NTSR1: variants seen among roughly 807,000 people sequenced by gnomAD.
NTSR1 encodes the protein neurotensin receptor 1.
Under a neutral mutation model 31.2 loss-of-function variants are expected in NTSR1, and 29 were observed. The observed-to-expected ratio is 0.93, with a 90% CI of 0.69 to 1.27. The LOEUF is 1.27. Among genes scored for constraint, NTSR1 ranks in the 50% most tolerant of loss-of-function variants. NTSR1 has a pLI of 0.00. For synonymous variants in NTSR1, 282 were observed against 269.9 expected (o/e 1.04, Z -0.44); for missense variants, 697 against 595.4 (o/e 1.17, Z -1.78).
At chr20:62,747,633 G>A (rs1989323851) in intron 1 of NTSR1, among the ~76,000 whole-genome samples, 1 of 152,242 alleles carries the variant, frequency 6.6e-6, no homozygotes, top group Non-Finnish European at 1.5e-5. Context: ...GGTCCTGGAA[G>A]GCCTAGCCAG....
intron 1 of NTSR1, among the ~76,000 whole-genome samples, chr20:62,719,106 T>A (rs1988785996): frequency 7.0e-6 from 1 of 142,236 alleles, no homozygotes; most frequent in Non-Finnish European, 1.5e-5. Context: ...TTGCTTCCAG[T>A]CCCTTTTTTT....
chr20:62,718,243 G>A (rs879415141), intron 1 of NTSR1, among the ~76,000 whole-genome samples: 1 of 152,184 alleles, frequency 6.6e-6, no homozygotes, highest in Non-Finnish European at 1.5e-5. Context: ...ACACGTTAAA[G>A]GGACAGTTCT....
At chr20:62,718,633 C>A (rs1988777993) in intron 1 of NTSR1, among the ~76,000 whole-genome samples, 2 of 142,894 alleles carry the variant, frequency 1.4e-5, no homozygotes, top group African/African-American at 5.1e-5. Context: ...GCCAGCTGGG[C>A]TGTGGCCTCT....
In NTSR1 at chr20:62,714,839, A is replaced by G. The variant is rs1568695621; in HGVS notation, c.714+4918A>G. Among the ~76,000 whole-genome samples the G allele has an allele frequency of 6.6e-6, 1 of 152,238 alleles. No homozygotes were observed. Among genetic ancestry groups the G allele is most frequent in the South Asian group, 2.1e-4 (1 of 4,830 alleles). On this transcript the variant is annotated intron_variant, in intron 1 of 3. Transcript: ENST00000370501. The surrounding 1 kb of genome is among the most constrained non-coding windows in gnomAD (Gnocchi z 4.1). ...CAGAAAGCCGGCACCAAAGCTGATC[A>G]TTCTTCCTGCCAAGAAACAGCAAAA...
intron 1 of NTSR1, among the ~76,000 whole-genome samples, chr20:62,710,208 G>C (rs1243801742): frequency 6.6e-6 from 1 of 152,222 alleles, no homozygotes; most frequent in African/African-American, 2.4e-5. Context: ...GGAAACATGT[G>C]CGCTGGCACC....
At chr20:62,755,086 TTCCCTCCCTCCATCCATCCATCCTTCCC>T (rs1989462184) in intron 2 of NTSR1, among the ~76,000 whole-genome samples, 200 bp downstream of exon 2, 1 of 144,250 alleles carries the variant, frequency 6.9e-6, no homozygotes, top group African/African-American at 2.6e-5. Flanking sequence ...CCATCTATCC[TTCCCTCCCTCCATCCATCCATCCTTCCC>T]TCCCTCCCTC....
chr20:62,725,218 A>T (rs990317244), intron 1 of NTSR1, among the ~76,000 whole-genome samples: 1 of 152,062 alleles, frequency 6.6e-6, no homozygotes, highest in Non-Finnish European at 1.5e-5. Context: ...TGGAAGGGCT[A>T]CCCCAGCCCC....
In NTSR1 at chr20:62,760,159, C is replaced by T. The variant is rs535027791; in HGVS notation, c.1149C>T (p.Cys383=). 3 of 1,614,144 alleles carry T rather than the reference C, an allele frequency of 1.9e-6. No individual in the cohort carries two copies. Among genetic ancestry groups the T allele is most frequent in the Admixed American group, 1.7e-5 (1 of 60,038 alleles). ...HIFLATLACL[C]PVWRRRRKRP... The stretch of plus-strand genomic sequence containing the variant: ...TCCTGGCCACACTGGCCTGCCTCTG[C>T]CCGGTGTGGCGGCGCAGGAGGAAGA... The change falls in exon 4 of 4, where the codon TGC becomes TGT. Residue 383 remains cysteine, a synonymous_variant. Coordinates refer to ENST00000370501, the MANE Select transcript of NTSR1 (RefSeq NM_002531.3).
At chr20:62,750,674 G>A (rs1405010662) in intron 1 of NTSR1, among the ~76,000 whole-genome samples, 3 of 133,924 alleles carry the variant, frequency 2.2e-5, no homozygotes, top group Admixed American at 8.1e-5. Flanking sequence ...CTGGGCGACA[G>A]AGCGAGACTC....
rs1319736008 is a variant in NTSR1 at position 62,745,419 on chromosome 20, A to G, written c.715-9266A>G. Among the ~76,000 whole-genome samples, 1 of 151,810 alleles carries G rather than the reference A, an allele frequency of 6.6e-6. No homozygotes were observed. The highest frequency in any genetic ancestry group is 1.5e-5 in the Non-Finnish European group (1 of 67,886). On this transcript the variant is annotated intron_variant, in intron 1 of 3. Coordinates refer to ENST00000370501, the MANE Select transcript of NTSR1 (RefSeq NM_002531.3). This position sits in a 1 kb window ranked among gnomAD's most constrained non-coding sequence, Gnocchi z 4.1. ...TAGAGACACAGACTCAGGAAAACAG[A>G]CAGAGAGAGACACAGGAGAACAGAG...
intron 2 of NTSR1, among the ~76,000 whole-genome samples, chr20:62,756,387 G>C (rs1164143755): frequency 6.6e-6 from 1 of 152,256 alleles, no homozygotes; most frequent in African/African-American, 2.4e-5. Context: ...CAACAACACA[G>C]GGCTTGGAGA....
At chr20:62,756,358 G>A (rs1989513166) in intron 2 of NTSR1, among the ~76,000 whole-genome samples, 1 of 152,256 alleles carries the variant, frequency 6.6e-6, no homozygotes, top group Non-Finnish European at 1.5e-5. Flanking sequence ...AGGCGGGGCA[G>A]GGGCAGGGCA....
chr20:62,759,671 A>C (rs1043877984), intron 3 of NTSR1, among the ~76,000 whole-genome samples: 6 of 150,598 alleles, frequency 4.0e-5, no homozygotes, highest in Non-Finnish European at 5.9e-5. Flanking sequence ...GCTACTCGGG[A>C]GGCTGAGGCA....
At chr20:62,712,408 C>T (rs1005561314) in intron 1 of NTSR1, among the ~76,000 whole-genome samples, 1 of 152,226 alleles carries the variant, frequency 6.6e-6, no homozygotes, top group Non-Finnish European at 1.5e-5. Context: ...TTTCCTGCCC[C>T]AGCGTCTCCT....
rs1989228699 is a variant in NTSR1 at position 62,742,860 on chromosome 20, C to A, written c.715-11825C>A. Among the ~76,000 whole-genome samples the A allele has an allele frequency of 2.0e-5, 3 of 149,568 alleles. 1 individual carries two copies. The highest frequency in any genetic ancestry group is 7.5e-5 in the African/African-American group (3 of 40,054). On this transcript the variant is annotated intron_variant, in intron 1 of 3. Coordinates refer to ENST00000370501, the MANE Select transcript of NTSR1 (RefSeq NM_002531.3). The surrounding 1 kb of genome is among the most constrained non-coding windows in gnomAD (Gnocchi z 7.1). The stretch of plus-strand genomic sequence containing the variant: ...CTCTCCCCGCAGTGTTTCCCCAGTT[C>A]CAGGGCTGTGAGGTGGTCACAGTGG...
Position 62,742,066 on chromosome 20 carries a change from G to A in NTSR1, c.715-12619G>A, listed in dbSNP as rs1239414722. On this transcript the variant is annotated intron_variant, in intron 1 of 3. Coordinates refer to ENST00000370501, the MANE Select transcript of NTSR1 (RefSeq NM_002531.3). This position sits in a 1 kb window ranked among gnomAD's most constrained non-coding sequence, Gnocchi z 7.1. ...AGTGAAGGTTAGAGGAATTCAAACC[G>A]TTATTTTTAATACTGAGCCAAAACC... 3.3e-5 allele frequency among the ~76,000 whole-genome samples: 5 copies of A among 149,588 alleles called. No individual in the cohort carries two copies. The highest frequency in any genetic ancestry group is 1.0e-4 in the African/African-American group (4 of 40,076).
At chr20:62,753,204 G>A (rs984813197) in intron 1 of NTSR1, among the ~76,000 whole-genome samples, 2 of 152,230 alleles carry the variant, frequency 1.3e-5, no homozygotes, top group Non-Finnish European at 2.9e-5. Context: ...GGAGCAGGAA[G>A]GACCTCCAGA....
At position 62,743,912 on chromosome 20, in the gene NTSR1, C is replaced by A. The variant is rs1426218258; in HGVS notation, c.715-10773C>A. On this transcript the variant is annotated intron_variant, in intron 1 of 3. Transcript: ENST00000370501. This position sits in a 1 kb window ranked among gnomAD's most constrained non-coding sequence, Gnocchi z 7.5. ...GGCTGTGCCCTCACCTGTGGGCAGG[C>A]ATACCGTGTGCACCCCTCCCGCTCC... Among the ~76,000 whole-genome samples the A allele has an allele frequency of 6.6e-6, 1 of 152,204 alleles. No individual in the cohort carries two copies. Among genetic ancestry groups the A allele is most frequent in the Non-Finnish European group, 1.5e-5 (1 of 68,028 alleles).
intron 1 of NTSR1, among the ~76,000 whole-genome samples, chr20:62,748,294 G>T (rs1989337490): frequency 6.6e-6 from 1 of 151,838 alleles, no homozygotes; most frequent in Non-Finnish European, 1.5e-5. Flanking sequence ...ACAAATAAAT[G>T]GAAAGATACC....
Sources: allele counts gnomAD v4.1 joint callset (sites outside exome capture counted in the v4.1 genomes callset), GRCh38; gene constraint gnomAD v4.1.1; non-coding constraint Gnocchi (gnomAD v3.1); transcripts MANE v1.5; gene names NCBI Gene and HGNC (gene_info 2026-07-23, HGNC 2026-07-21).